The following TMEM163 variants were observed in gnomAD, a reference collection of about 807,000 sequenced individuals.
TMEM163 encodes transmembrane protein 163.
In TMEM163, 17 loss-of-function variants were observed where a neutral mutation model predicts 29.3. That is an observed-to-expected ratio of 0.58 (90% CI 0.40 to 0.87). The LOEUF (loss-of-function observed/expected upper bound fraction) is 0.87. Among genes scored for constraint, TMEM163 ranks in the 40% least tolerant of loss-of-function variants. The probability of loss-of-function intolerance (pLI) is 0.00; values close to 1 mark genes in which losing one functional copy is unlikely to be tolerated. For synonymous variants in TMEM163, 157 were observed against 160.6 expected (o/e 0.98, Z 0.17); for missense variants, 303 against 381.5 (o/e 0.79, Z 1.71).
intron 2 of TMEM163, among the ~76,000 whole-genome samples, chr2:134,666,179 C>T (rs1683867909): frequency 6.6e-6 from 1 of 152,128 alleles, no homozygotes; most frequent in African/African-American, 2.4e-5. Context: ...CACCCACCAC[C>T]ACCTTCCACC....
At chr2:134,486,484 CAG>C (rs1679317182) in intron 5 of TMEM163, among the ~76,000 whole-genome samples, 1 of 152,172 alleles carries the variant, frequency 6.6e-6, no homozygotes, top group Admixed American at 6.6e-5. Context: ...AGCAACAAAA[CAG>C]GGCATCTAAA....
intron 5 of TMEM163, among the ~76,000 whole-genome samples, chr2:134,475,272 A>G (rs1686888870): frequency 1.3e-5 from 2 of 152,274 alleles, no homozygotes; most frequent in South Asian, 4.1e-4. Flanking sequence ...TGGAAAATGT[A>G]AAGTCTTTAC....
chr2:134,640,156 G>A (rs1236444943), intron 2 of TMEM163, among the ~76,000 whole-genome samples: 1 of 152,066 alleles, frequency 6.6e-6, no homozygotes, highest in Non-Finnish European at 1.5e-5. Flanking sequence ...TACAAAATCA[G>A]AAGATAAAAT....
At chr2:134,622,651 A>C (rs1682765420) in intron 2 of TMEM163, among the ~76,000 whole-genome samples, 1 of 152,240 alleles carries the variant, frequency 6.6e-6, no homozygotes, top group Non-Finnish European at 1.5e-5. Flanking sequence ...GATTTCAATT[A>C]AGTCAAGTTG....
chr2:134,645,729 C>A (rs931399676), intron 2 of TMEM163, among the ~76,000 whole-genome samples: 4 of 152,148 alleles, frequency 2.6e-5, no homozygotes, highest in African/African-American at 9.7e-5. Flanking sequence ...AGGTTATATA[C>A]TATACAATTT....
At chr2:134,708,686 G>C (rs768014274) in intron 2 of TMEM163, among the ~76,000 whole-genome samples, 23 of 151,772 alleles carry the variant, frequency 1.5e-4, no homozygotes, top group Non-Finnish European at 2.6e-4. Flanking sequence ...TCCTGGATTC[G>C]AGCAATTCTC....
intron 2 of TMEM163, among the ~76,000 whole-genome samples, chr2:134,578,571 A>G (rs1330238359): frequency 2.0e-5 from 3 of 152,318 alleles, no homozygotes; most frequent in Non-Finnish European, 4.4e-5. Context: ...AGCAAAAGGC[A>G]TTGGACAACC....
intron 4 of TMEM163, among the ~76,000 whole-genome samples, chr2:134,536,581 C>A (rs1462751229): frequency 1.3e-5 from 2 of 152,180 alleles, no homozygotes; most frequent in Non-Finnish European, 2.9e-5. Flanking sequence ...CTTCTGTCCA[C>A]CACTGAGAGC....
At chr2:134,560,606 A>G (rs893452012) in intron 2 of TMEM163, among the ~76,000 whole-genome samples, 1 of 152,216 alleles carries the variant, frequency 6.6e-6, no homozygotes, top group Non-Finnish European at 1.5e-5. Context: ...AGCTTGAAGC[A>G]TTTGCAAATG....
At chr2:134,710,991 C>T (rs764824185) in intron 2 of TMEM163, among the ~76,000 whole-genome samples, 17 of 152,190 alleles carry the variant, frequency 1.1e-4, no homozygotes, top group Non-Finnish European at 1.9e-4. Context: ...CTGTTAACTA[C>T]CTCCTTCCTT....
chr2:134,574,536 G>A (rs1235151915), intron 2 of TMEM163, among the ~76,000 whole-genome samples: 1 of 152,036 alleles, frequency 6.6e-6, no homozygotes, highest in African/African-American at 2.4e-5. Flanking sequence ...CTCCAGCCTG[G>A]GCAACAAGAG....
Position 134,658,341 on chromosome 2 carries a change from G to A in TMEM163, c.322+54859C>T, listed in dbSNP as rs1200102530. ...TCTACTTGTTTTAGAGAACAAAAGC[G>A]ACATGAAAGGCCTTTGTGAGGTTTT... On this transcript the variant is annotated intron_variant, in intron 2 of 7. Coordinates refer to ENST00000281924, the MANE Select transcript of TMEM163 (RefSeq NM_030923.5). 6.6e-5 allele frequency among the ~76,000 whole-genome samples: 10 copies of A among 152,304 alleles called. No homozygotes were observed. The South Asian group carries it at 1.5e-3, about 22-fold the overall frequency.
intron 2 of TMEM163, among the ~76,000 whole-genome samples, chr2:134,610,546 C>T (rs1388448670): frequency 6.6e-6 from 1 of 152,186 alleles, no homozygotes; most frequent in African/African-American, 2.4e-5. Flanking sequence ...CCTTGAGAAA[C>T]CCTGCTTTCA....
intron 1 of TMEM163, among the ~76,000 whole-genome samples, chr2:134,715,071 A>G (rs1685008903): frequency 6.6e-6 from 1 of 152,230 alleles, no homozygotes; most frequent in Admixed American, 6.5e-5. Context: ...ACTGGCTCAA[A>G]TAAGCAGTTT....
chr2:134,538,357 T>C (rs899063973), intron 4 of TMEM163, among the ~76,000 whole-genome samples: 5 of 152,242 alleles, frequency 3.3e-5, no homozygotes, highest in Admixed American at 2.0e-4. Context: ...GCTCCAGTAC[T>C]GTGAGATATA....
intron 4 of TMEM163, among the ~76,000 whole-genome samples, chr2:134,518,861 G>C (rs1344301696): frequency 6.6e-6 from 1 of 152,114 alleles, no homozygotes; most frequent in African/African-American, 2.4e-5. Context: ...TCCCAGGCAG[G>C]GGGTGTTCCA....
chr2:134,489,420 A>T (rs1397416665), intron 5 of TMEM163, among the ~76,000 whole-genome samples: 1 of 151,994 alleles, frequency 6.6e-6, no homozygotes, highest in African/African-American at 2.4e-5. Flanking sequence ...TCTACTAAAA[A>T]CACCAAAATT....
At chr2:134,515,314 A>T (rs1197337273) in intron 4 of TMEM163, among the ~76,000 whole-genome samples, 1 of 151,422 alleles carries the variant, frequency 6.6e-6, no homozygotes, top group Non-Finnish European at 1.5e-5. Context: ...GCATCCAGCC[A>T]CTCTTCTGCT....
intron 4 of TMEM163, among the ~76,000 whole-genome samples, chr2:134,526,878 A>G (rs1265326560): frequency 6.6e-6 from 1 of 152,170 alleles, no homozygotes; most frequent in African/African-American, 2.4e-5. Context: ...CAACCCCCTA[A>G]AAGTGTTCAC....
Sources: gnomAD v4.1 joint callset for allele counts (sites outside exome capture counted in the v4.1 genomes callset) on GRCh38, gnomAD v4.1.1 for gene constraint, MANE v1.5 for transcripts, NCBI Gene and HGNC (gene_info 2026-07-23, HGNC 2026-07-21) for gene names.